The following SLC38A1 variants were observed in gnomAD, a reference collection of about 807,000 sequenced individuals.
The protein encoded by SLC38A1 is sodium-coupled neutral amino acid symporter 1.
SLC38A1 carries 18 observed loss-of-function variants against 60.3 expected under a neutral mutation model. The ratio of observed to expected loss-of-function variants is 0.30; its 90% CI spans 0.21 to 0.44. The LOEUF is 0.44. Among genes scored for constraint, SLC38A1 ranks in the 20% least tolerant of loss-of-function variants. The probability of loss-of-function intolerance (pLI) is 1.00; values close to 1 mark genes in which losing one functional copy is unlikely to be tolerated. For synonymous variants in SLC38A1, 196 were observed against 212.1 expected (o/e 0.92, Z 0.66); for missense variants, 448 against 587.2 (o/e 0.76, Z 2.45).
At chr12:46,191,425 T>C (rs1228228710) in intron 16 of SLC38A1, among the ~76,000 whole-genome samples, 1 of 152,216 alleles carries the variant, frequency 6.6e-6, no homozygotes, top group Non-Finnish European at 1.5e-5. Flanking sequence ...AGCTCTTTTT[T>C]GGTTCCATAT....
chr12:46,213,102 T>C (rs1940247748), intron 5 of SLC38A1, among the ~76,000 whole-genome samples: 1 of 152,230 alleles, frequency 6.6e-6, no homozygotes, highest in African/African-American at 2.4e-5. Flanking sequence ...ACCATCCTTT[T>C]TAAAGGCTGT....
At chr12:46,256,490 C>G (rs989623459) in intron 1 of SLC38A1, among the ~76,000 whole-genome samples, 1 of 152,022 alleles carries the variant, frequency 6.6e-6, no homozygotes, top group African/African-American at 2.4e-5. Context: ...AATTCAACCC[C>G]GAACCCGGGC....
intron 4 of SLC38A1, 93 bp from the exon 5 acceptor site, chr12:46,229,361 T>C: frequency 2.2e-6 from 2 of 897,440 alleles, no homozygotes; most frequent in Non-Finnish European, 3.5e-6. Context: ...GGAACCAATA[T>C]GGAAGTAAAA....
At chr12:46,224,617 G>A (rs1360315063) in intron 5 of SLC38A1, among the ~76,000 whole-genome samples, 3 of 152,192 alleles carry the variant, frequency 2.0e-5, no homozygotes, top group Admixed American at 6.5e-5. Context: ...CTGGAATGGA[G>A]CCCTGTACCA....
chr12:46,241,013 A>G lies in SLC38A1; in HGVS notation c.-93-1120T>C, dbSNP rs1034151735. Among the ~76,000 whole-genome samples, 14 of 152,280 alleles carry G rather than the reference A, an allele frequency of 9.2e-5. No individual in the cohort carries two copies. In the East Asian group the frequency reaches 2.3e-3, roughly 25 times the overall value. On this transcript the variant is annotated intron_variant, in intron 2 of 16. Coordinates refer to ENST00000398637, the MANE Select transcript of SLC38A1 (RefSeq NM_030674.4). ...GGCCATGCCACCCTGAATGTGCCCAATCTTGTCTAAAAAGCAGATGGCCAC... is the reference window on the plus strand; with the variant it reads ...GGCCATGCCACCCTGAATGTGCCCAGTCTTGTCTAAAAAGCAGATGGCCAC...
rs941115517 is a variant in SLC38A1, at chr12:46,186,109, T to C, written c.*2861A>G. On this transcript the variant is annotated 3_prime_UTR_variant, in exon 17 of 17. Coordinates refer to ENST00000398637, the MANE Select transcript of SLC38A1 (RefSeq NM_030674.4). ...TAACCACCATGGATAACCTGGTCTCTAAAGGAAAATACATTCCAGGTTGCA... is the reference window on the plus strand; with the variant it reads ...TAACCACCATGGATAACCTGGTCTCCAAAGGAAAATACATTCCAGGTTGCA... The C allele has an allele frequency of 2.6e-5, 4 of 152,208 alleles. No homozygotes were observed. Among genetic ancestry groups the C allele is most frequent in the African/African-American group, 9.7e-5 (4 of 41,450 alleles). The allele number at this position is 152,208 out of a possible 1,614,324, so 9.4% of individuals were successfully genotyped here.
intron 13 of SLC38A1, among the ~76,000 whole-genome samples, chr12:46,199,465 T>G (rs1419903989): frequency 6.6e-6 from 1 of 151,756 alleles, no homozygotes; most frequent in Non-Finnish European, 1.5e-5. Context: ...TCCTCCTGCC[T>G]CAGCCTCCTG....
rs570455962 is a variant in SLC38A1 at position 46,244,180 on chromosome 12, A to C, written c.-208-866T>G. Among the ~76,000 whole-genome samples, 35 of 152,368 alleles carry C rather than the reference A, an allele frequency of 2.3e-4. No homozygotes were observed. In the East Asian group the frequency reaches 6.6e-3, roughly 29 times the overall value. Reference sequence around the variant, plus strand: ...AAGGAAGCAAGGAAGGAAAGAAGAAAGGAAAGTAGAACGGTGGAGAAATCA... The same window carrying C: ...AAGGAAGCAAGGAAGGAAAGAAGAACGGAAAGTAGAACGGTGGAGAAATCA... On this transcript the variant is annotated intron_variant, in intron 1 of 16. Coordinates refer to ENST00000398637, the MANE Select transcript of SLC38A1 (RefSeq NM_030674.4).
chr12:46,260,748 A>G lies in SLC38A1; in HGVS notation c.-209+7778T>C, dbSNP rs993201703. Among the ~76,000 whole-genome samples, 42 of 152,122 alleles carry G rather than the reference A, an allele frequency of 2.8e-4. 1 individual carries two copies. The highest frequency in any genetic ancestry group is 1.0e-3 in the African/African-American group (42 of 41,414). On this transcript the variant is annotated intron_variant, in intron 1 of 16. Transcript: ENST00000398637. ...TGGCTTTCATACAACCTCATATCTAATCAGTTGCCAAGTCCTGCCAACATT... is the reference window on the plus strand; with the variant it reads ...TGGCTTTCATACAACCTCATATCTAGTCAGTTGCCAAGTCCTGCCAACATT...
chr12:46,193,843 G>C (rs1939252421), intron 16 of SLC38A1, among the ~76,000 whole-genome samples: 1 of 151,978 alleles, frequency 6.6e-6, no homozygotes, highest in South Asian at 2.1e-4. Context: ...AAATGAGATG[G>C]GTCTCCTCAA....
chr12:46,250,421 C>T (rs1470989649), intron 1 of SLC38A1, among the ~76,000 whole-genome samples: 1 of 152,186 alleles, frequency 6.6e-6, no homozygotes, highest in Non-Finnish European at 1.5e-5. Context: ...CCTTTGAAAA[C>T]TGGCACAAGA....
intron 5 of SLC38A1, among the ~76,000 whole-genome samples, chr12:46,218,881 A>T (rs1054312313): frequency 6.6e-6 from 1 of 151,982 alleles, no homozygotes; most frequent in Non-Finnish European, 1.5e-5. Flanking sequence ...CCTGGGTGCA[A>T]TGGCAGAACT....
rs1942450849 is a variant in SLC38A1 at position 46,268,811 on chromosome 12, T to G, written c.-494A>C. The G allele has an allele frequency of 2.3e-6, 1 of 427,064 alleles. No homozygotes were observed. 26.5% of individuals were successfully genotyped at this position (427,064 alleles called of 1,614,324 possible). A position where few individuals can be genotyped will look rare whatever the true frequency, so the allele number is the denominator to read the frequency against. Reference sequence around the variant, plus strand: ...CCTTTCCGGGCCGATTGCATCAGAATCTCCCCTCACCACCAACCCCCACTC... The same window carrying G: ...CCTTTCCGGGCCGATTGCATCAGAAGCTCCCCTCACCACCAACCCCCACTC... On this transcript the variant is annotated 5_prime_UTR_variant, in exon 1 of 17. Transcript: ENST00000398637. The surrounding 1 kb of genome is among the most constrained non-coding windows in gnomAD (Gnocchi z 4.4).
At chr12:46,209,204 G>C in intron 5 of SLC38A1, 77 bp from the exon 6 acceptor site, 2 of 1,026,074 alleles carry the variant, frequency 1.9e-6, no homozygotes, top group Non-Finnish European at 2.9e-6. Flanking sequence ...GAAGGGCAAA[G>C]GTTTATTTGT....
chr12:46,215,856 G>A (rs1260711608), intron 5 of SLC38A1, among the ~76,000 whole-genome samples: 1 of 152,104 alleles, frequency 6.6e-6, no homozygotes, highest in East Asian at 1.9e-4. Flanking sequence ...AACTCCTTGA[G>A]CTGGGGTAAA....
Position 46,188,087 on chromosome 12 carries a change from T to C in SLC38A1, c.*883A>G, listed in dbSNP as rs1939000390. The stretch of plus-strand genomic sequence containing the variant: ...CAGCAAGACAGGTAGGGTTGAAGGC[T>C]AAATGCATCAGAGGAGTATTTTCTT... On this transcript the variant is annotated 3_prime_UTR_variant, in exon 17 of 17. Transcript: ENST00000398637. 6.6e-6 allele frequency: 1 copy of C among 152,176 alleles called. No homozygotes were observed. The highest frequency in any genetic ancestry group is 6.6e-5 in the Admixed American group (1 of 15,266). The allele number at this position is 152,176 out of a possible 1,614,324, so 9.4% of individuals were successfully genotyped here.
chr12:46,258,091 T>G (rs778646591), intron 1 of SLC38A1, among the ~76,000 whole-genome samples: 2 of 152,236 alleles, frequency 1.3e-5, no homozygotes, highest in Non-Finnish European at 2.9e-5. Flanking sequence ...GTCATGGTGC[T>G]GGTGGGAGTG....
At chr12:46,258,055 T>A (rs992074461) in intron 1 of SLC38A1, among the ~76,000 whole-genome samples, 1 of 152,244 alleles carries the variant, frequency 6.6e-6, no homozygotes, top group East Asian at 1.9e-4. Flanking sequence ...ATAGGGTTCC[T>A]GACATTGCCA....
In SLC38A1 at chr12:46,184,919, T is replaced by C. The variant is rs2053648; in HGVS notation, c.*4051A>G. The C allele has an allele frequency of 0.94, 142,388 of 152,198 alleles. 66,647 individuals are homozygous for C. Among genetic ancestry groups the C allele is most frequent in the South Asian group, 0.96 (4,639 of 4,818 alleles). The allele number at this position is 152,198 out of a possible 1,614,324, so 9.4% of individuals were successfully genotyped here. ...CAGCCTGTGTTTAGGAATTTGCACC[T>C]GCGCTGCTATTTTCAACGAGAAGGG... On this transcript the variant is annotated 3_prime_UTR_variant, in exon 17 of 17. Transcript: ENST00000398637.
Sources: allele counts gnomAD v4.1 joint callset (sites outside exome capture counted in the v4.1 genomes callset), GRCh38; gene constraint gnomAD v4.1.1; non-coding constraint Gnocchi (gnomAD v3.1); transcripts MANE v1.5; gene names NCBI Gene and HGNC (gene_info 2026-07-23, HGNC 2026-07-21).